POTED: variants seen among roughly 807,000 people sequenced by gnomAD.
The protein encoded by POTED is POTE ankyrin domain family member D, also known as ANKRD26-like family B member 3.
In POTED, 7 loss-of-function variants were observed where a neutral mutation model predicts 19.0. That is an observed-to-expected ratio of 0.37 (90% confidence interval 0.21 to 0.69). The LOEUF (loss-of-function observed/expected upper bound fraction) is 0.69. Among genes scored for constraint, POTED ranks in the 30% least tolerant of loss-of-function variants. The pLI is 0.56. For synonymous variants in POTED, 16 were observed against 92.0 expected (o/e 0.17, Z 4.73); for missense variants, 54 against 278.5 (o/e 0.19, Z 5.74).
chr21:13,629,577 C>A (rs2011201617), intron 7 of POTED, among the ~76,000 whole-genome samples: 1 of 54,288 alleles, frequency 1.8e-5, no homozygotes, highest in South Asian at 6.1e-4. Context: ...TTTGCTGGTT[C>A]ATGTTTTTAT....
In POTED at chr21:13,639,743, T is replaced by C. The variant is rs2011255965; in HGVS notation, c.1533+105T>C. The C allele has an allele frequency of 1.3e-5, 6 of 467,914 alleles. 2 individuals are homozygous for C. Among genetic ancestry groups the C allele is most frequent in the Non-Finnish European group, 1.8e-5 (6 of 342,614 alleles). The allele number at this position is 467,914 out of a possible 1,614,324, so 29.0% of individuals were successfully genotyped here. A position where few individuals can be genotyped will look rare whatever the true frequency, so the allele number is the denominator to read the frequency against. ...TTTTTAAATCACATATATACACACG[T>C]GTGTGTGTGTGTATATATATGTGTG... On this transcript the variant is annotated intron_variant, in intron 10 of 10. Coordinates refer to ENST00000299443, the MANE Select transcript of POTED (RefSeq NM_174981.6).
Position 13,612,435 on chromosome 21 carries a change from A to G in POTED, c.521+1686A>G. 2.5e-5 allele frequency among the ~76,000 whole-genome samples: 2 copies of G among 80,424 alleles called. 1 individual carries two copies. Among genetic ancestry groups the G allele is most frequent in the Non-Finnish European group, 4.4e-5 (2 of 45,642 alleles). 52.8% of individuals were successfully genotyped at this position (80,424 alleles called of 152,430 possible). A position where few individuals can be genotyped will look rare whatever the true frequency, so the allele number is the denominator to read the frequency against. ...CAGTGAGCTGAGATTGCACCACTAC[A>G]CTCCAGCTGGGTGATGGAGTGAGAC... On this transcript the variant is annotated intron_variant, in intron 1 of 10. Transcript: ENST00000299443.
Position 13,611,390 on chromosome 21 carries a change from G to T in POTED, c.521+641G>T, listed in dbSNP as rs2011141320. 2.5e-5 allele frequency among the ~76,000 whole-genome samples: 2 copies of T among 79,284 alleles called. 1 individual carries two copies. The allele number at this position is 79,284 out of a possible 152,430, so 52.0% of individuals were successfully genotyped here. ...TAAATTGATTTTTTTTAACAGAATGGAAAAAGACTTGCTTTTCCAGATATC... is the reference window on the plus strand; with the variant it reads ...TAAATTGATTTTTTTTAACAGAATGTAAAAAGACTTGCTTTTCCAGATATC... On this transcript the variant is annotated intron_variant, in intron 1 of 10. Transcript: ENST00000299443.
At chr21:13,637,004 A>ATTTTTTTTT (rs1208399825) in intron 9 of POTED, among the ~76,000 whole-genome samples, 1 of 16,468 alleles carries the variant, frequency 6.1e-5, no homozygotes, top group Non-Finnish European at 9.7e-5. Flanking sequence ...ATATATATAT[A>ATTTTTTTTT]TTTTTTTTTT....
Position 13,637,005 on chromosome 21 carries a change from T to TATATATA in POTED, c.1410-2510_1410-2509insATATATA, listed in dbSNP as rs1491152956. Among the ~76,000 whole-genome samples the TATATATA allele has an allele frequency of 9.7e-4, 12 of 12,366 alleles. 5 individuals are homozygous for TATATATA. The highest frequency in any genetic ancestry group is 1.7e-3 in the Non-Finnish European group (12 of 7,256). 8.1% of individuals were successfully genotyped at this position (12,366 alleles called of 152,430 possible). The stretch of plus-strand genomic sequence containing the variant: ...ACCCAGTCTCAGGTATATATATATA[T>TATATATA]TTTTTTTTTTTTTTCTTTATTCCAC... On this transcript the variant is annotated intron_variant, in intron 9 of 10. Coordinates refer to ENST00000299443, the MANE Select transcript of POTED (RefSeq NM_174981.6).
rs201363610 is a variant in POTED, at chr21:13,610,453, C to T, written c.225C>T (p.Ser75=). 6.0e-5 allele frequency: 62 copies of T among 1,029,096 alleles called. 23 individuals carry two copies. Among genetic ancestry groups the T allele is most frequent in the Non-Finnish European group, 7.0e-5 (56 of 804,814 alleles). 63.7% of individuals were successfully genotyped at this position (1,029,096 alleles called of 1,614,324 possible). A position where few individuals can be genotyped will look rare whatever the true frequency, so the allele number is the denominator to read the frequency against. The change falls in exon 1 of 11, where the codon AGC becomes AGT. Residue 75 remains serine, a synonymous_variant. Transcript: ENST00000299443. ...ACTGCTTCCCCTGCTGCAGGGGGAG[C>T]GGCACGAGCAACGTGGGCACTTCTG... ...CRHCFPCCRG[S]GTSNVGTSGD... is the part of the protein sequence containing the mutation.
At chr21:13,616,268 A>T (rs1305409894) in intron 3 of POTED, among the ~76,000 whole-genome samples, 2 of 20,110 alleles carry the variant, frequency 9.9e-5, no homozygotes, top group Non-Finnish European at 1.6e-4. Flanking sequence ...AGAGGGAGTT[A>T]GTGGGTTGTA....
Position 13,631,499 on chromosome 21 carries a change from T to C in POTED, c.1409+392T>C, listed in dbSNP as rs1234595353. Among the ~76,000 whole-genome samples the C allele has an allele frequency of 2.6e-5, 2 of 77,354 alleles. 1 individual carries two copies. The highest frequency in any genetic ancestry group is 4.5e-5 in the Non-Finnish European group (2 of 44,580). 50.7% of individuals were successfully genotyped at this position (77,354 alleles called of 152,430 possible). ...TTTGGTCATCTCCCTCCTGCCACACTCCACCCTCAAGTAGACCCTGGTGTC... is the reference window on the plus strand; with the variant it reads ...TTTGGTCATCTCCCTCCTGCCACACCCCACCCTCAAGTAGACCCTGGTGTC... On this transcript the variant is annotated intron_variant, in intron 9 of 10. Coordinates refer to ENST00000299443, the MANE Select transcript of POTED (RefSeq NM_174981.6).
At position 13,616,138 on chromosome 21, in the gene POTED, T is replaced by TTGTGTGTG. The variant is rs61117870; in HGVS notation, c.810+594_810+601dup. 5.0e-3 allele frequency among the ~76,000 whole-genome samples: 429 copies of TTGTGTGTG among 85,022 alleles called. 93 individuals carry two copies. The highest frequency in any genetic ancestry group is 0.032 in the East Asian group (86 of 2,694). The allele number at this position is 85,022 out of a possible 152,430, so 55.8% of individuals were successfully genotyped here. The stretch of plus-strand genomic sequence containing the variant: ...AATGGGGGAAAAGACCATGAAGAGG[T>TTGTGTGTG]TGTGTGTGTGTGTGTGTGTGTGTGT... On this transcript the variant is annotated intron_variant, in intron 3 of 10. Transcript: ENST00000299443.
Position 13,645,182 on chromosome 21 carries a change from T to G in POTED, c.*3616T>G, listed in dbSNP as rs1441144654. Among the ~76,000 whole-genome samples the G allele has an allele frequency of 1.5e-5, 2 of 132,740 alleles. No individual in the cohort carries two copies. Among genetic ancestry groups the G allele is most frequent in the East Asian group, 3.9e-4 (2 of 5,068 alleles). 87.1% of individuals were successfully genotyped at this position (132,740 alleles called of 152,430 possible). A position where few individuals can be genotyped will look rare whatever the true frequency, so the allele number is the denominator to read the frequency against. ...TGGAAAACACATTTCAGAATATCAT[T>G]CATGAGAATGTCCCCAACCTAGCCA... On this transcript the variant is annotated 3_prime_UTR_variant, in exon 11 of 11. Transcript: ENST00000299443.
chr21:13,634,505 A>G lies in POTED; in HGVS notation c.1409+3398A>G, dbSNP rs1231282291. On this transcript the variant is annotated intron_variant, in intron 9 of 10. Transcript: ENST00000299443. Reference sequence around the variant, plus strand: ...CCTTGCTCTGCTTCAGCCACACTGAATTCTTGCCATCCCTTATCTACCCCT... The same window carrying G: ...CCTTGCTCTGCTTCAGCCACACTGAGTTCTTGCCATCCCTTATCTACCCCT... 2.5e-5 allele frequency among the ~76,000 whole-genome samples: 2 copies of G among 81,558 alleles called. 1 individual carries two copies. The highest frequency in any genetic ancestry group is 4.3e-5 in the Non-Finnish European group (2 of 46,158). The allele number at this position is 81,558 out of a possible 152,430, so 53.5% of individuals were successfully genotyped here.
chr21:13,643,143 C>G lies in POTED; in HGVS notation c.*1577C>G, dbSNP rs1415429729. Reference sequence around the variant, plus strand: ...CACAGGTACAACACACCCCTTACTGCTCATCACCAGACAAGGAACCCTGGC... The same window carrying G: ...CACAGGTACAACACACCCCTTACTGGTCATCACCAGACAAGGAACCCTGGC... On this transcript the variant is annotated 3_prime_UTR_variant, in exon 11 of 11. Transcript: ENST00000299443. 5.8e-5 allele frequency among the ~76,000 whole-genome samples: 1 copy of G among 17,308 alleles called. No homozygotes were observed. The highest frequency in any genetic ancestry group is 9.2e-5 in the Non-Finnish European group (1 of 10,920). The allele number at this position is 17,308 out of a possible 152,430, so 11.4% of individuals were successfully genotyped here.
At chr21:13,619,375 T>A (rs1217326718) in intron 4 of POTED, among the ~76,000 whole-genome samples, 1 of 74,236 alleles carries the variant, frequency 1.3e-5, no homozygotes, top group Non-Finnish European at 2.4e-5. Context: ...CATATGTAAC[T>A]AACCTGCACA....
intron 1 of POTED, among the ~76,000 whole-genome samples, chr21:13,614,086 G>A (rs4085589): frequency 0.31 from 26,277 of 85,434 alleles, 7,622 homozygotes; most frequent in African/African-American, 0.62. Context: ...TAAAAGTTGA[G>A]AAAAGCTCCA....
At chr21:13,634,989 C>G (rs1189315174) in intron 9 of POTED, among the ~76,000 whole-genome samples, 1 of 74,850 alleles carries the variant, frequency 1.3e-5, no homozygotes, top group Admixed American at 1.2e-4. Flanking sequence ...TCCCACCACC[C>G]TCCCCATCAA....
chr21:13,637,005 T>TATATATATATATATATA (rs1491152956), intron 9 of POTED, among the ~76,000 whole-genome samples: 4 of 12,354 alleles, frequency 3.2e-4, no homozygotes, highest in Non-Finnish European at 5.5e-4. Context: ...TATATATATA[T>TATATATATATATATATA]TTTTTTTTTT....
In POTED at chr21:13,632,840, G is replaced by A. The variant is rs1468367497; in HGVS notation, c.1409+1733G>A. Among the ~76,000 whole-genome samples the A allele has an allele frequency of 2.5e-5, 2 of 80,812 alleles. 1 individual carries two copies. Among genetic ancestry groups the A allele is most frequent in the African/African-American group, 1.7e-4 (2 of 11,548 alleles). 53.0% of individuals were successfully genotyped at this position (80,812 alleles called of 152,430 possible). A position where few individuals can be genotyped will look rare whatever the true frequency, so the allele number is the denominator to read the frequency against. On this transcript the variant is annotated intron_variant, in intron 9 of 10. Coordinates refer to ENST00000299443, the MANE Select transcript of POTED (RefSeq NM_174981.6). ...ACTTTATTCCTGTCAATAGAACTCA[G>A]TATTTCACTGTGATCAATTACTTTG...
intron 6 of POTED, among the ~76,000 whole-genome samples, chr21:13,627,406 G>A (rs1485086976): frequency 1.5e-4 from 9 of 61,326 alleles, no homozygotes; most frequent in Admixed American, 1.2e-3. Flanking sequence ...TTGTGCCACC[G>A]CACTCCAGCC....
rs376660614 is a variant in POTED, at chr21:13,610,465, C to T, written c.237C>T (p.Asn79=). 31 of 1,037,596 alleles carry T rather than the reference C, an allele frequency of 3.0e-5. 10 individuals are homozygous for T. Among genetic ancestry groups the T allele is most frequent in the Admixed American group, 2.4e-4 (9 of 37,304 alleles). The allele number at this position is 1,037,596 out of a possible 1,614,324, so 64.3% of individuals were successfully genotyped here. ...FPCCRGSGTS[N]VGTSGDHENS... is the part of the protein sequence containing the mutation. ...GCTGCAGGGGGAGCGGCACGAGCAA[C>T]GTGGGCACTTCTGGAGACCATGAAA... is the stretch of plus-strand genomic sequence containing the variant. The change falls in exon 1 of 11, where the codon AAC becomes AAT. Residue 79 remains asparagine (N), a synonymous_variant. Coordinates refer to ENST00000299443, the MANE Select transcript of POTED (RefSeq NM_174981.6).
Sources: gnomAD v4.1 joint callset for allele counts (sites outside exome capture counted in the v4.1 genomes callset) on GRCh38, gnomAD v4.1.1 for gene constraint, MANE v1.5 for transcripts, NCBI Gene and HGNC (gene_info 2026-07-23, HGNC 2026-07-21) for gene names.